TRAF3IP1: variants seen among roughly 807,000 people sequenced by gnomAD.
The protein encoded by TRAF3IP1 is intraflagellar transport 54, also known as TRAF3-interacting protein 1.
Under a neutral mutation model 89.9 loss-of-function variants are expected in TRAF3IP1, and 53 were observed. That is an observed-to-expected ratio of 0.59 (90% CI 0.47 to 0.74). The LOEUF is 0.74. Ranked by LOEUF, TRAF3IP1 falls within the 30% of genes least tolerant of loss-of-function variation. The probability of loss-of-function intolerance (pLI) is 0.00; values close to 1 mark genes in which losing one functional copy is unlikely to be tolerated. For synonymous variants in TRAF3IP1, 311 were observed against 322.1 expected, an observed-to-expected ratio of 0.97 and a Z score of 0.37; for missense variants, 806 against 866.1, an observed-to-expected ratio of 0.93 and a Z score of 0.87.
intron 15 of TRAF3IP1, among the ~76,000 whole-genome samples, chr2:238,374,345 TGTC>T (rs568952782): frequency 1.4e-3 from 217 of 152,340 alleles, no homozygotes; most frequent in Non-Finnish European, 2.5e-3. Context: ...CATGAAGGGC[TGTC>T]GAGTTTGGTC....
intron 15 of TRAF3IP1, among the ~76,000 whole-genome samples, chr2:238,366,214 C>T (rs535339791): frequency 1.5e-4 from 23 of 152,008 alleles, no homozygotes; most frequent in African/African-American, 5.1e-4. Flanking sequence ...CCAGCCTGGG[C>T]GACAAAGCAA....
Position 238,329,058 on chromosome 2 carries a change from A to G in TRAF3IP1, c.631A>G (p.Arg211Gly). Residue 211 changes from arginine to glycine, a missense_variant, in exon 5 of 17, where the codon AGA (arginine) becomes GGA (glycine). By Grantham distance (125) the Arg-to-Gly change is moderately radical. Transcript: ENST00000373327. ...GAAGGCCAAGGAGAATGGCGGAAAC[A>G]GACACAGAGAAGGGGAGAGAGAGAG... ...KEKAKENGGN[R>G]HREGERERAK... The G allele has an allele frequency of 1.3e-6, 2 of 1,551,734 alleles. No homozygotes were observed. Among genetic ancestry groups the G allele is most frequent in the Non-Finnish European group, 1.7e-6 (2 of 1,147,044 alleles).
intron 11 of TRAF3IP1, among the ~76,000 whole-genome samples, chr2:238,349,094 T>C (rs1699030150): frequency 6.6e-6 from 1 of 152,144 alleles, no homozygotes; most frequent in East Asian, 1.9e-4. Flanking sequence ...TTTTGATTAG[T>C]GACAGTTGTT....
intron 15 of TRAF3IP1, among the ~76,000 whole-genome samples, chr2:238,377,591 T>A (rs894909670): frequency 1.3e-5 from 2 of 152,200 alleles, no homozygotes; most frequent in African/African-American, 4.8e-5. Context: ...TTATTTTTAA[T>A]CCACTGTTAA....
chr2:238,345,340 G>C lies in TRAF3IP1; in HGVS notation c.1261+742G>C, dbSNP rs564003812. Reference sequence around the variant, plus strand: ...GCTCGAAGATCAACCGAAATCGTTTGATGGGGTGGCAGTCTGGGACGGGAG... The same window carrying C: ...GCTCGAAGATCAACCGAAATCGTTTCATGGGGTGGCAGTCTGGGACGGGAG... On this transcript the variant is annotated intron_variant, in intron 9 of 16. Coordinates refer to ENST00000373327, the MANE Select transcript of TRAF3IP1 (RefSeq NM_015650.4). The surrounding 1 kb of genome is among the most constrained non-coding windows in gnomAD (Gnocchi z 4.7). Among the ~76,000 whole-genome samples, 1 of 152,384 alleles carries C rather than the reference G, an allele frequency of 6.6e-6. No individual in the cohort carries two copies. The highest frequency in any genetic ancestry group is 1.9e-4 in the East Asian group (1 of 5,190).
At chr2:238,394,271 AG>A (rs1426002438) in intron 15 of TRAF3IP1, among the ~76,000 whole-genome samples, 2 of 152,196 alleles carry the variant, frequency 1.3e-5, no homozygotes, top group African/African-American at 4.8e-5. Flanking sequence ...TAGCTATTGT[AG>A]TTCCTTTGCC....
At chr2:238,361,350 A>T (rs547169606) in intron 15 of TRAF3IP1, among the ~76,000 whole-genome samples, 157 of 152,154 alleles carry the variant, frequency 1.0e-3, no homozygotes, top group Middle Eastern at 3.4e-3. Flanking sequence ...TTTGATGTAA[A>T]ATTTAAACAG....
At chr2:238,372,590 G>A (rs1429776337) in intron 15 of TRAF3IP1, among the ~76,000 whole-genome samples, 1 of 152,098 alleles carries the variant, frequency 6.6e-6, no homozygotes, top group Admixed American at 6.6e-5. Flanking sequence ...CATAATAAAC[G>A]TACATGTCCA....
chr2:238,387,751 A>G (rs1169903647), intron 15 of TRAF3IP1, among the ~76,000 whole-genome samples: 1 of 152,240 alleles, frequency 6.6e-6, no homozygotes, highest in Non-Finnish European at 1.5e-5. Context: ...CAGAAACGCA[A>G]ATGAACAAAA....
chr2:238,365,932 C>T (rs1699853993), intron 15 of TRAF3IP1, among the ~76,000 whole-genome samples: 1 of 152,096 alleles, frequency 6.6e-6, no homozygotes, highest in Admixed American at 6.5e-5. Flanking sequence ...AAATTTGTTA[C>T]CACCCCATTA....
chr2:238,338,089 A>AGAGGAG (rs971771339), intron 7 of TRAF3IP1, among the ~76,000 whole-genome samples: 2 of 152,040 alleles, frequency 1.3e-5, no homozygotes, highest in African/African-American at 4.8e-5. Flanking sequence ...AGGAGGAGGA[A>AGAGGAG]GAGGAGGAGG....
chr2:238,347,918 C>T (rs983507617), intron 10 of TRAF3IP1, among the ~76,000 whole-genome samples: 1 of 152,016 alleles, frequency 6.6e-6, no homozygotes, highest in Non-Finnish European at 1.5e-5. Context: ...TGAGTTACTG[C>T]GCCTGGCCAA....
intron 8 of TRAF3IP1, among the ~76,000 whole-genome samples, chr2:238,340,136 C>T (rs1056013668): frequency 6.6e-6 from 1 of 152,180 alleles, no homozygotes; most frequent in Non-Finnish European, 1.5e-5. Flanking sequence ...TTCTCCTCCC[C>T]CCGACCCTGG....
In TRAF3IP1 at chr2:238,379,672, G is replaced by A. The variant is rs1700465435; in HGVS notation, c.1690-17787G>A. Among the ~76,000 whole-genome samples, 2 of 152,198 alleles carry A rather than the reference G, an allele frequency of 1.3e-5. No individual in the cohort carries two copies. The highest frequency in any genetic ancestry group is 2.4e-5 in the African/African-American group (1 of 41,444). On this transcript the variant is annotated intron_variant, in intron 15 of 16. Coordinates refer to ENST00000373327, the MANE Select transcript of TRAF3IP1 (RefSeq NM_015650.4). The surrounding 1 kb of genome is among the most constrained non-coding windows in gnomAD (Gnocchi z 4.0). ...CGGTGGTTTCCTCCCCCGCTCACAT[G>A]CCAGCCATTCAGTTCAGTGGGTCTC...
rs562515570 is a variant in TRAF3IP1 at position 238,325,860 on chromosome 2, A to G, written c.244A>G (p.Met82Val). ...FLQKAIDVVV[M>V]VSGEPLLAKP... Reference sequence around the variant, plus strand: ...ACAAAAGGCCATAGACGTGGTTGTAATGGTGTCGGGAGAGCCACTGTTGGC... The same window carrying G: ...ACAAAAGGCCATAGACGTGGTTGTAGTGGTGTCGGGAGAGCCACTGTTGGC... The change falls in exon 3 of 17, where the codon ATG becomes GTG. Residue 82 changes from methionine to valine, a missense_variant. By Grantham distance (21) the Met-to-Val change is conservative. Coordinates refer to ENST00000373327, the MANE Select transcript of TRAF3IP1 (RefSeq NM_015650.4). The G allele has an allele frequency of 6.8e-6, 11 of 1,614,238 alleles. No individual in the cohort carries two copies. The African/African-American group carries it at 8.0e-5, about 12-fold the overall frequency.
chr2:238,338,462 G>C lies in TRAF3IP1; in HGVS notation c.1159+5G>C. 6.7e-7 allele frequency: 1 copy of C among 1,502,538 alleles called. No individual in the cohort carries two copies. 93.1% of individuals were successfully genotyped at this position (1,502,538 alleles called of 1,614,324 possible). Reference sequence around the variant, plus strand: ...AAACGACAACATCAGAAATAGGTAAGAAAAATATATTCTTTAGTTTAAATT... The same window carrying C: ...AAACGACAACATCAGAAATAGGTAACAAAAATATATTCTTTAGTTTAAATT... On this transcript the variant is annotated splice_donor_5th_base_variant and intron_variant, in intron 8 of 16. Transcript: ENST00000373327.
chr2:238,336,416 G>A (rs1443150817), intron 7 of TRAF3IP1, among the ~76,000 whole-genome samples: 1 of 152,118 alleles, frequency 6.6e-6, no homozygotes, highest in Non-Finnish European at 1.5e-5. Flanking sequence ...CGCTTAAGTA[G>A]GTTCTCATTT....
intron 15 of TRAF3IP1, among the ~76,000 whole-genome samples, chr2:238,377,158 G>A (rs752133828): frequency 6.6e-6 from 1 of 151,788 alleles, no homozygotes; most frequent in Non-Finnish European, 1.5e-5. Flanking sequence ...CATTTCTGTG[G>A]CTAGGCCCTC....
intron 15 of TRAF3IP1, among the ~76,000 whole-genome samples, chr2:238,363,915 G>A (rs541286344): frequency 7.9e-5 from 12 of 152,202 alleles, no homozygotes; most frequent in African/African-American, 2.9e-4. Context: ...AGCCGAGACT[G>A]CACCACTGCA....
Sources: gnomAD v4.1 joint callset for allele counts (sites outside exome capture counted in the v4.1 genomes callset) on GRCh38, gnomAD v4.1.1 for gene constraint, Gnocchi (gnomAD v3.1) non-coding constraint, MANE v1.5 for transcripts, NCBI Gene and HGNC (gene_info 2026-07-23, HGNC 2026-07-21) for gene names.